Variants in KCNIP4 observed in about 807,000 individuals in gnomAD.
KCNIP4 encodes potassium voltage-gated channel interacting protein 4, also known as Kv channel-interacting protein 4.
KCNIP4 carries 12 observed loss-of-function variants against 34.0 expected under a neutral mutation model. The observed-to-expected ratio is 0.35, with a 90% CI of 0.23 to 0.57. The LOEUF is 0.57. Ranked by LOEUF, KCNIP4 falls within the 20% of genes least tolerant of loss-of-function variation. The pLI, the probability that KCNIP4 is intolerant of heterozygous loss-of-function variation, is 0.83. For synonymous variants in KCNIP4, 124 were observed against 102.2 expected (o/e 1.21, Z -1.29); for missense variants, 238 against 311.7 (o/e 0.76, Z 1.78).
At chr4:20,863,918 GCT>G (rs1008944300) in intron 2 of KCNIP4, among the ~76,000 whole-genome samples, 16 of 151,804 alleles carry the variant, frequency 1.1e-4, no homozygotes, top group Admixed American at 7.2e-4. Context: ...TTTTGTGTAA[GCT>G]CTCTCTTTCA....
chr4:21,886,818 C>CT (rs1553942799), intron 1 of KCNIP4, among the ~76,000 whole-genome samples: 1 of 152,014 alleles, frequency 6.6e-6, no homozygotes, highest in Non-Finnish European at 1.5e-5. Context: ...ATTACAAAAG[C>CT]TCTTCTTTTT....
chr4:21,568,733 A>T (rs549118613), intron 1 of KCNIP4, among the ~76,000 whole-genome samples: 9 of 152,074 alleles, frequency 5.9e-5, no homozygotes, highest in Non-Finnish European at 1.3e-4. Context: ...AGACTGCACT[A>T]TGGGCTTCCC....
chr4:21,452,852 C>A (rs550110317), intron 1 of KCNIP4, among the ~76,000 whole-genome samples: 29 of 101,526 alleles, frequency 2.9e-4, no homozygotes, highest in Non-Finnish European at 4.9e-4. Flanking sequence ...TAATACCATG[C>A]AAGTTTTCAG....
At chr4:20,890,535 ATTAAT>A (rs1442873319) in intron 1 of KCNIP4, among the ~76,000 whole-genome samples, 1 of 152,182 alleles carries the variant, frequency 6.6e-6, no homozygotes, top group African/African-American at 2.4e-5. Flanking sequence ...CATATCACTT[ATTAAT>A]TTATTAAGTT....
At chr4:21,906,888 G>A (rs925802367) in intron 1 of KCNIP4, among the ~76,000 whole-genome samples, 1 of 152,002 alleles carries the variant, frequency 6.6e-6, no homozygotes, top group Non-Finnish European at 1.5e-5. Flanking sequence ...TACATAAAAG[G>A]TATATTTTTA....
rs1553930255 is a variant in KCNIP4 at position 21,773,749 on chromosome 4, T to TG, written c.61+174821_61+174822insC. Among the ~76,000 whole-genome samples the TG allele has an allele frequency of 2.2e-3, 172 of 79,580 alleles. 2 individuals carry two copies. The highest frequency in any genetic ancestry group is 0.014 in the African/African-American group (162 of 11,664). The allele number at this position is 79,580 out of a possible 152,430, so 52.2% of individuals were successfully genotyped here. On this transcript the variant is annotated intron_variant, in intron 1 of 8. Transcript: ENST00000382152. ...CAACCCCTGTTTTTTTTTGTTGTTT[T>TG]TTTTTTTTTGTTTGTTTGTTTTTGT... is the stretch of plus-strand genomic sequence containing the variant.
chr4:21,585,716 T>C (rs1741562774), intron 1 of KCNIP4, among the ~76,000 whole-genome samples: 1 of 152,064 alleles, frequency 6.6e-6, no homozygotes, highest in Admixed American at 6.6e-5. Flanking sequence ...TAAAATCCAT[T>C]ATGGCAGAAA....
In KCNIP4 at chr4:20,732,742, T is replaced by G; in HGVS notation, c.581A>C (p.Lys194Thr). The G allele has an allele frequency of 6.2e-7, 1 of 1,612,798 alleles. No individual in the cohort carries two copies. Among genetic ancestry groups the G allele is most frequent in the South Asian group, 1.1e-5 (1 of 91,048 alleles). The change falls in exon 7 of 9, where the codon AAA (lysine) becomes ACA (threonine). Residue 194 changes from lysine to threonine, a missense_variant. By Grantham distance (78) the Lys-to-Thr change is moderately conservative. Transcript: ENST00000382152. ...TTCTTTGAGGACAGGATATGTACAT[T>G]TACCCATCATATCGTATATTGCTTT... ...IMKAIYDMMG[K>T]CTYPVLKEDA...
At chr4:21,175,354 G>A (rs1200093435) in intron 1 of KCNIP4, among the ~76,000 whole-genome samples, 1 of 152,112 alleles carries the variant, frequency 6.6e-6, no homozygotes, top group Non-Finnish European at 1.5e-5. Flanking sequence ...CCTTATCCGT[G>A]AGGGATATGG....
chr4:21,697,532 C>T (rs1712472073), intron 1 of KCNIP4: 13 of 1,455,826 alleles, frequency 8.9e-6, no homozygotes, highest in Non-Finnish European at 1.2e-5. Flanking sequence ...GGAGAAACTT[C>T]TGTCTCAGTT....
chr4:21,587,023 T>A (rs972509964), intron 1 of KCNIP4, among the ~76,000 whole-genome samples: 6 of 152,042 alleles, frequency 3.9e-5, no homozygotes, highest in Non-Finnish European at 7.4e-5. Flanking sequence ...AACAAAACTA[T>A]CTTTGTTCTC....
At chr4:20,911,559 C>A (rs189415604) in intron 1 of KCNIP4, among the ~76,000 whole-genome samples, 1 of 152,206 alleles carries the variant, frequency 6.6e-6, no homozygotes, top group Non-Finnish European at 1.5e-5. Flanking sequence ...ATTTTCTGAT[C>A]CCATTATTCA....
intron 1 of KCNIP4, among the ~76,000 whole-genome samples, chr4:21,037,502 T>C (rs1577576130): frequency 6.6e-6 from 1 of 152,378 alleles, no homozygotes; most frequent in Middle Eastern, 3.4e-3. Flanking sequence ...AGTATAGCAA[T>C]GGGCTATATC....
At chr4:20,817,673 A>T (rs1578690184) in intron 3 of KCNIP4, among the ~76,000 whole-genome samples, 14 of 138,702 alleles carry the variant, frequency 1.0e-4, no homozygotes, top group African/African-American at 1.1e-4. Context: ...CTCTTTGAGG[A>T]TCTTTTTTTT....
intron 1 of KCNIP4, among the ~76,000 whole-genome samples, chr4:21,702,068 A>G (rs973745404): frequency 1.3e-5 from 2 of 152,152 alleles, no homozygotes; most frequent in Non-Finnish European, 2.9e-5. Flanking sequence ...AAAGGATAAT[A>G]GATATGTTGT....
At chr4:21,092,010 C>T (rs1747041385) in intron 1 of KCNIP4, among the ~76,000 whole-genome samples, 1 of 152,140 alleles carries the variant, frequency 6.6e-6, no homozygotes, top group South Asian at 2.1e-4. Context: ...GGCCAAGCCA[C>T]ACAGTTAGTA....
chr4:21,432,602 C>T (rs538752262), intron 1 of KCNIP4, among the ~76,000 whole-genome samples: 46 of 152,092 alleles, frequency 3.0e-4, no homozygotes, highest in African/African-American at 1.1e-3. Context: ...GTACCAAAGG[C>T]GAAGCAAATG....
chr4:21,654,185 G>C (rs1000361448), intron 1 of KCNIP4, among the ~76,000 whole-genome samples: 1 of 152,206 alleles, frequency 6.6e-6, no homozygotes, highest in African/African-American at 2.4e-5. Context: ...TTACAGTTAA[G>C]TATACAGAAT....
intron 1 of KCNIP4, among the ~76,000 whole-genome samples, chr4:20,973,060 C>T (rs1006238038): frequency 6.6e-6 from 1 of 152,184 alleles, no homozygotes; most frequent in Non-Finnish European, 1.5e-5. Context: ...TTAAAATCAT[C>T]AGCTGCATTA....
Sources: allele counts gnomAD v4.1 joint callset (sites outside exome capture counted in the v4.1 genomes callset), GRCh38; gene constraint gnomAD v4.1.1; transcripts MANE v1.5; gene names NCBI Gene and HGNC (gene_info 2026-07-23, HGNC 2026-07-21).